The following NUBPL variants were observed in gnomAD, a reference collection of about 807,000 sequenced individuals.
NUBPL encodes the protein NUBP iron-sulfur cluster assembly factor, mitochondrial.
Under a neutral mutation model 45.7 loss-of-function variants are expected in NUBPL, and 31 were observed. That is an observed-to-expected ratio of 0.68 (90% CI 0.51 to 0.92). NUBPL has a LOEUF of 0.92. Among genes scored for constraint, NUBPL ranks in the 40% least tolerant of loss-of-function variants. The pLI is 0.00. For missense variants in NUBPL, 401 were observed against 398.7 expected (o/e 1.01, Z -0.05); for synonymous variants, 144 against 140.9 (o/e 1.02, Z -0.15).
chr14:31,643,354 C>T (rs1271137340), intron 4 of NUBPL, among the ~76,000 whole-genome samples: 4 of 152,010 alleles, frequency 2.6e-5, no homozygotes, highest in Admixed American at 2.0e-4. Flanking sequence ...GGATTTTTAT[C>T]ATAAAGGGAT....
intron 6 of NUBPL, among the ~76,000 whole-genome samples, chr14:31,781,649 C>A (rs1002863952): frequency 6.6e-6 from 1 of 152,136 alleles, no homozygotes; most frequent in African/African-American, 2.4e-5. Flanking sequence ...CATAGAGGGC[C>A]AAAATTATAA....
intron 6 of NUBPL, among the ~76,000 whole-genome samples, chr14:31,770,980 A>G (rs2038999142): frequency 6.6e-6 from 1 of 152,188 alleles, no homozygotes; most frequent in African/African-American, 2.4e-5. Context: ...AGTTTCAAAA[A>G]TATGTTCAAA....
intron 7 of NUBPL, among the ~76,000 whole-genome samples, chr14:31,806,583 T>C (rs1346864959): frequency 6.6e-6 from 1 of 152,188 alleles, no homozygotes; most frequent in African/African-American, 2.4e-5. Flanking sequence ...GTTTTATCTT[T>C]TCTTTTTTCT....
rs369058975 is a variant in NUBPL at position 31,708,846 on chromosome 14, C to T, written c.513+35272C>T. 4.1e-4 allele frequency among the ~76,000 whole-genome samples: 63 copies of T among 152,236 alleles called. No individual in the cohort carries two copies. The South Asian group carries it at 6.2e-3, about 15-fold the overall frequency. On this transcript the variant is annotated intron_variant, in intron 6 of 10. Transcript: ENST00000281081. ...AACCTTTGTTCTCTGGGGCAGTGCA[C>T]CTTCCAGTGATTGCCTTGGCATAGC...
intron 3 of NUBPL, among the ~76,000 whole-genome samples, chr14:31,597,165 C>A (rs563091624): frequency 2.6e-5 from 4 of 152,040 alleles, no homozygotes; most frequent in Non-Finnish European, 4.4e-5. Context: ...TTGATATATG[C>A]AAGCATTGGT....
intron 4 of NUBPL, among the ~76,000 whole-genome samples, chr14:31,649,087 G>A (rs1396167475): frequency 6.6e-6 from 1 of 152,124 alleles, no homozygotes; most frequent in Non-Finnish European, 1.5e-5. Flanking sequence ...GGATTTACAG[G>A]CATGAGCCAA....
At chr14:31,668,208 C>A (rs1271302298) in intron 4 of NUBPL, among the ~76,000 whole-genome samples, 1 of 152,196 alleles carries the variant, frequency 6.6e-6, no homozygotes, top group Non-Finnish European at 1.5e-5. Flanking sequence ...GGGGTTTTAT[C>A]TTTACGTCCC....
At chr14:31,793,828 C>CTTTTTTTTTTTT (rs55698198) in intron 7 of NUBPL, among the ~76,000 whole-genome samples, 23 of 127,568 alleles carry the variant, frequency 1.8e-4, no homozygotes, top group Non-Finnish European at 1.9e-4. Context: ...CCTTATCTTT[C>CTTTTTTTTTTTT]TTTTTTTTTT....
chr14:31,744,142 A>C (rs947994591), intron 6 of NUBPL, among the ~76,000 whole-genome samples: 8 of 152,208 alleles, frequency 5.3e-5, no homozygotes, highest in African/African-American at 1.9e-4. Flanking sequence ...AATGGGGAAA[A>C]AATGTGATCT....
At chr14:31,856,306 A>C (rs186203525) in intron 10 of NUBPL, among the ~76,000 whole-genome samples, 1,759 of 152,124 alleles carry the variant, frequency 0.012, 25 homozygotes, top group South Asian at 0.068. Context: ...GGAAAGACCC[A>C]CCCCATGATT....
chr14:31,853,181 A>G (rs963851081), intron 10 of NUBPL, among the ~76,000 whole-genome samples: 12 of 152,062 alleles, frequency 7.9e-5, no homozygotes, highest in African/African-American at 2.9e-4. Flanking sequence ...CATCCTCCCA[A>G]GTAGCTGGGA....
chr14:31,698,115 ATC>A (rs1326830072), intron 6 of NUBPL, among the ~76,000 whole-genome samples: 2 of 152,162 alleles, frequency 1.3e-5, no homozygotes, highest in Non-Finnish European at 2.9e-5. Flanking sequence ...AAATTTTAAT[ATC>A]TCTGAAATTG....
chr14:31,768,309 G>A (rs1279936735), intron 6 of NUBPL, among the ~76,000 whole-genome samples: 1 of 152,218 alleles, frequency 6.6e-6, no homozygotes, highest in Non-Finnish European at 1.5e-5. Context: ...CTTTATCCAG[G>A]ATAGCTCTCT....
At chr14:31,808,439 G>T (rs1411334772) in intron 7 of NUBPL, among the ~76,000 whole-genome samples, 1 of 152,108 alleles carries the variant, frequency 6.6e-6, no homozygotes, top group South Asian at 2.1e-4. Flanking sequence ...TTGTGTATAC[G>T]AATGCTTGTG....
At chr14:31,705,147 C>A (rs10140944) in intron 6 of NUBPL, among the ~76,000 whole-genome samples, 1 of 151,556 alleles carries the variant, frequency 6.6e-6, no homozygotes, top group South Asian at 2.1e-4. Flanking sequence ...AAAGGTGGCG[C>A]GTCCGGAGTT....
At chr14:31,742,395 C>T (rs1219105041) in intron 6 of NUBPL, among the ~76,000 whole-genome samples, 3 of 152,030 alleles carry the variant, frequency 2.0e-5, no homozygotes, top group African/African-American at 4.8e-5. Flanking sequence ...CCTGAATTAC[C>T]TGGGATTCTT....
chr14:31,780,512 C>G (rs1347732236), intron 6 of NUBPL, among the ~76,000 whole-genome samples: 1 of 152,142 alleles, frequency 6.6e-6, no homozygotes, highest in African/African-American at 2.4e-5. Flanking sequence ...CAAATTATTG[C>G]AAACTCTAAA....
At chr14:31,793,828 C>CTTTTT (rs55698198) in intron 7 of NUBPL, among the ~76,000 whole-genome samples, 2,583 of 127,532 alleles carry the variant, frequency 0.02, 60 homozygotes, top group Middle Eastern at 0.032. Context: ...CCTTATCTTT[C>CTTTTT]TTTTTTTTTT....
intron 6 of NUBPL, among the ~76,000 whole-genome samples, chr14:31,786,967 G>C (rs1049250072): frequency 1.3e-5 from 2 of 152,224 alleles, no homozygotes; most frequent in Non-Finnish European, 2.9e-5. Flanking sequence ...AATAATAACA[G>C]ATGGTGGTGG....
Sources: gnomAD v4.1 joint callset for allele counts (sites outside exome capture counted in the v4.1 genomes callset) on GRCh38, gnomAD v4.1.1 for gene constraint, MANE v1.5 for transcripts, NCBI Gene and HGNC (gene_info 2026-07-23, HGNC 2026-07-21) for gene names.